TMEFF2: variants seen among roughly 807,000 people sequenced by gnomAD.
TMEFF2 encodes tomoregulin-2.
In TMEFF2, 28 loss-of-function variants were observed where a neutral mutation model predicts 53.8. The ratio of observed to expected loss-of-function variants is 0.52; its 90% CI spans 0.39 to 0.71. The LOEUF (loss-of-function observed/expected upper bound fraction) is 0.71. TMEFF2 is among the 30% of genes least tolerant of loss of function. The pLI is 0.00. For missense variants in TMEFF2, 353 were observed against 455.2 expected, an observed-to-expected ratio of 0.78 and a Z score of 2.04; for synonymous variants, 162 against 166.3, an observed-to-expected ratio of 0.97 and a Z score of 0.20.
intron 5 of TMEFF2, among the ~76,000 whole-genome samples, chr2:192,033,511 C>A (rs867511005): frequency 2.6e-4 from 35 of 134,858 alleles, no homozygotes; most frequent in South Asian, 5.1e-4. Flanking sequence ...CACAAAAAAA[C>A]CAGTTTGGAT....
intron 4 of TMEFF2, among the ~76,000 whole-genome samples, chr2:192,077,934 T>C (rs1473790560): frequency 6.6e-6 from 1 of 152,118 alleles, no homozygotes; most frequent in Non-Finnish European, 1.5e-5. Context: ...CACCCCCGTG[T>C]GTGAATTCTA....
intron 5 of TMEFF2, among the ~76,000 whole-genome samples, chr2:192,000,783 A>G (rs181810819): frequency 1.1e-3 from 172 of 152,298 alleles, no homozygotes; most frequent in African/African-American, 3.9e-3. Flanking sequence ...TTTATTTTGT[A>G]AGAGAATTGC....
At chr2:192,016,895 A>G (rs1393805452) in intron 5 of TMEFF2, among the ~76,000 whole-genome samples, 1 of 152,180 alleles carries the variant, frequency 6.6e-6, no homozygotes, top group African/African-American at 2.4e-5. Flanking sequence ...TTTTTTGGAT[A>G]CAAAGATGGG....
chr2:192,079,192 C>T (rs1168948635), intron 4 of TMEFF2, among the ~76,000 whole-genome samples: 4 of 152,142 alleles, frequency 2.6e-5, no homozygotes, highest in Non-Finnish European at 4.4e-5. Flanking sequence ...CCCATTTTTG[C>T]CCAATATGAG....
intron 5 of TMEFF2, among the ~76,000 whole-genome samples, chr2:192,015,163 G>C (rs1452478405): frequency 6.6e-6 from 1 of 152,110 alleles, no homozygotes; most frequent in Non-Finnish European, 1.5e-5. Context: ...GGATTGGGCT[G>C]TATCTTGATA....
At chr2:192,145,968 T>C (rs554021507) in intron 4 of TMEFF2, among the ~76,000 whole-genome samples, 61 of 151,984 alleles carry the variant, frequency 4.0e-4, no homozygotes, top group Non-Finnish European at 7.1e-4. Flanking sequence ...AGTGAACTGA[T>C]TAACTAAGCA....
intron 5 of TMEFF2, among the ~76,000 whole-genome samples, chr2:192,033,230 A>G (rs918937096): frequency 2.0e-5 from 3 of 152,204 alleles, no homozygotes; most frequent in Non-Finnish European, 1.5e-5. Flanking sequence ...AGTATAAATA[A>G]TAAATGTTTA....
rs929577247 is a variant in TMEFF2 at position 192,194,585 on chromosome 2, C to G, written c.-61G>C. 5 of 1,571,554 alleles carry G rather than the reference C, an allele frequency of 3.2e-6. No homozygotes were observed. Among genetic ancestry groups the G allele is most frequent in the Non-Finnish European group, 4.3e-6 (5 of 1,152,506 alleles). Reference sequence around the variant, plus strand: ...TCCGAGGAACACAGGATCGCGGGGGCCGGGCAGCGGGCTACTGAGCATCCC... The same window carrying G: ...TCCGAGGAACACAGGATCGCGGGGGGCGGGCAGCGGGCTACTGAGCATCCC... On this transcript the variant is annotated 5_prime_UTR_variant, in exon 1 of 10. Transcript: ENST00000272771. This position sits in a 1 kb window ranked among gnomAD's most constrained non-coding sequence, Gnocchi z 4.2.
intron 5 of TMEFF2, among the ~76,000 whole-genome samples, chr2:192,003,928 T>TGTGG (rs757169033): frequency 0.055 from 6,604 of 119,060 alleles, 442 homozygotes; most frequent in South Asian, 0.097. Flanking sequence ...TGTGTGTGTG[T>TGTGG]GGGGGGGGGG....
intron 7 of TMEFF2, among the ~76,000 whole-genome samples, chr2:191,979,153 G>T (rs1451316758): frequency 6.6e-6 from 1 of 152,138 alleles, no homozygotes; most frequent in East Asian, 1.9e-4. Context: ...ATATGAAATA[G>T]GAAAGAGGTA....
intron 4 of TMEFF2, among the ~76,000 whole-genome samples, chr2:192,089,350 T>C (rs1344332926): frequency 1.3e-5 from 2 of 151,970 alleles, no homozygotes; most frequent in Non-Finnish European, 2.9e-5. Context: ...AGTCTTTTTT[T>C]CCCCCCAAAG....
chr2:191,986,726 C>T (rs975162502), intron 7 of TMEFF2, among the ~76,000 whole-genome samples: 2 of 151,556 alleles, frequency 1.3e-5, no homozygotes, highest in Non-Finnish European at 2.9e-5. Flanking sequence ...GGCATGGTGG[C>T]GCATGCCTGT....
intron 4 of TMEFF2, 70 bp from the exon 5 acceptor site, chr2:192,057,845 C>T (rs1393256781): frequency 7.9e-7 from 1 of 1,259,090 alleles, no homozygotes; most frequent in Non-Finnish European, 1.2e-6. Flanking sequence ...CAGGACAATT[C>T]TTTAATTAAA....
chr2:192,065,277 A>T (rs1023722745), intron 4 of TMEFF2, among the ~76,000 whole-genome samples: 2 of 151,782 alleles, frequency 1.3e-5, no homozygotes, highest in African/African-American at 4.8e-5. Flanking sequence ...CTTCTCTCCT[A>T]CTGACATGTA....
At chr2:192,121,192 C>T (rs897482462) in intron 4 of TMEFF2, among the ~76,000 whole-genome samples, 6 of 152,098 alleles carry the variant, frequency 3.9e-5, no homozygotes, top group Non-Finnish European at 8.8e-5. Flanking sequence ...ACACAATCAG[C>T]GCTAAGAAGA....
intron 4 of TMEFF2, among the ~76,000 whole-genome samples, chr2:192,161,063 G>A (rs1005809204): frequency 5.9e-5 from 9 of 152,052 alleles, no homozygotes; most frequent in East Asian, 1.9e-4. Context: ...ACACTTTACC[G>A]TCTCCCAGTC....
At chr2:191,988,517 G>A (rs1220416529) in intron 7 of TMEFF2, among the ~76,000 whole-genome samples, 1 of 152,188 alleles carries the variant, frequency 6.6e-6, no homozygotes, top group East Asian at 1.9e-4. Flanking sequence ...ATTTGGATGT[G>A]TACTGCCTGA....
At chr2:192,046,233 A>G (rs912104385) in intron 5 of TMEFF2, among the ~76,000 whole-genome samples, 3 of 152,092 alleles carry the variant, frequency 2.0e-5, no homozygotes, top group Admixed American at 2.0e-4. Context: ...GGCATGTGGC[A>G]TGCACCTGTA....
rs563851706 is a variant in TMEFF2 at position 192,059,091 on chromosome 2, C to T, written c.440-1316G>A. On this transcript the variant is annotated intron_variant, in intron 4 of 9. Transcript: ENST00000272771. Reference sequence around the variant, plus strand: ...CTCAAAAAAGGACAAGAAGACATCCCTAGGAGAGTTATCTGTTTTATAACT... The same window carrying T: ...CTCAAAAAAGGACAAGAAGACATCCTTAGGAGAGTTATCTGTTTTATAACT... 2.0e-5 allele frequency among the ~76,000 whole-genome samples: 3 copies of T among 152,104 alleles called. 1 individual carries two copies. The South Asian group carries it at 6.2e-4, about 32-fold the overall frequency.
Sources: allele counts gnomAD v4.1 joint callset (sites outside exome capture counted in the v4.1 genomes callset), GRCh38; gene constraint gnomAD v4.1.1; non-coding constraint Gnocchi (gnomAD v3.1); transcripts MANE v1.5; gene names NCBI Gene and HGNC (gene_info 2026-07-23, HGNC 2026-07-21).